Variants in PTER observed in about 807,000 individuals in gnomAD.
PTER encodes the protein N-acetyltaurine hydrolase.
PTER carries 38 observed loss-of-function variants against 29.6 expected under a neutral mutation model. That is an observed-to-expected ratio of 1.28 (90% CI 0.99 to 1.68). PTER has a LOEUF of 1.68. Ranked by LOEUF, PTER falls within the 40% of genes most tolerant of loss-of-function variation. The probability of loss-of-function intolerance (pLI) is 0.00; values close to 1 mark genes in which losing one functional copy is unlikely to be tolerated. For synonymous variants in PTER, 172 were observed against 154.5 expected, an observed-to-expected ratio of 1.11 and a Z score of -0.84; for missense variants, 482 against 427.8, an observed-to-expected ratio of 1.13 and a Z score of -1.12.
intron 1 of PTER, among the ~76,000 whole-genome samples, chr10:16,479,820 A>C (rs949706822): frequency 3.3e-5 from 5 of 151,710 alleles, no homozygotes; most frequent in Admixed American, 6.6e-5. Context: ...TGCAGGTACA[A>C]CGGGCCCCCT....
chr10:16,441,573 AG>A (rs1382291487), intron 1 of PTER, among the ~76,000 whole-genome samples: 3 of 152,200 alleles, frequency 2.0e-5, no homozygotes, highest in Non-Finnish European at 4.4e-5. Flanking sequence ...CTGCATTCTT[AG>A]GGGACACTGG....
At chr10:16,506,102 C>T (rs1384979631) in intron 4 of PTER, among the ~76,000 whole-genome samples, 1 of 151,914 alleles carries the variant, frequency 6.6e-6, no homozygotes, top group East Asian at 1.9e-4. Context: ...GCTTGAATGC[C>T]GGTAATAAGT....
chr10:16,510,955 G>A (rs1836786454), intron 4 of PTER, 91 bp from the exon 5 acceptor site: 2 of 1,060,442 alleles, frequency 1.9e-6, no homozygotes, highest in Non-Finnish European at 1.4e-6. Flanking sequence ...TTTACGACAA[G>A]CACAATAGGT....
At chr10:16,486,786 A>T in intron 3 of PTER, 169 bp downstream of exon 3, 2 of 754,544 alleles carry the variant, frequency 2.7e-6, no homozygotes, top group South Asian at 4.0e-5. Flanking sequence ...ATAAAAGTCA[A>T]TGCTGCCATT....
At chr10:16,447,428 C>T (rs987235417) in intron 1 of PTER, among the ~76,000 whole-genome samples, 29 of 152,018 alleles carry the variant, frequency 1.9e-4, no homozygotes, top group Admixed American at 2.6e-4. Flanking sequence ...GTGGAATTTT[C>T]GTAATGCATT....
Position 16,485,830 on chromosome 10 carries a change from A to G in PTER, c.433-522A>G, listed in dbSNP as rs545441090. 3.3e-5 allele frequency among the ~76,000 whole-genome samples: 5 copies of G among 152,268 alleles called. No homozygotes were observed. The East Asian group carries it at 9.7e-4, about 29-fold the overall frequency. On this transcript the variant is annotated intron_variant, in intron 2 of 4. Coordinates refer to ENST00000535784, the MANE Select transcript of PTER (RefSeq NM_001261836.2). Reference sequence around the variant, plus strand: ...TTCTTGATGCCTTGTGCGGTGATGCAAGCGTGTAGTCCTAGCTACATGGGA... The same window carrying G: ...TTCTTGATGCCTTGTGCGGTGATGCGAGCGTGTAGTCCTAGCTACATGGGA...
chr10:16,487,249 C>T (rs548048554), intron 3 of PTER, among the ~76,000 whole-genome samples: 6 of 152,316 alleles, frequency 3.9e-5, no homozygotes, highest in African/African-American at 1.2e-4. Flanking sequence ...TCTCAAAGTT[C>T]TGGAGGCCAG....
intron 1 of PTER, among the ~76,000 whole-genome samples, chr10:16,451,648 G>T (rs1306803636): frequency 6.6e-6 from 1 of 152,140 alleles, no homozygotes; most frequent in African/African-American, 2.4e-5. Context: ...GGAGGCAGAG[G>T]TTGCAGTGAG....
At chr10:16,493,086 T>C (rs530502805) in intron 3 of PTER, among the ~76,000 whole-genome samples, 9 of 152,354 alleles carry the variant, frequency 5.9e-5, no homozygotes, top group African/African-American at 1.9e-4. Context: ...GGCTGTAGCC[T>C]GAAGAACAAC....
chr10:16,468,483 TG>T (rs1175538774), intron 1 of PTER, among the ~76,000 whole-genome samples: 1 of 152,238 alleles, frequency 6.6e-6, no homozygotes, highest in Non-Finnish European at 1.5e-5. Flanking sequence ...CTTTAATTTT[TG>T]TTTTCTTACT....
chr10:16,511,398 C>T lies in PTER; in HGVS notation c.*142C>T, dbSNP rs1836808326. On this transcript the variant is annotated 3_prime_UTR_variant, in exon 5 of 5. Transcript: ENST00000535784. ...TCTGATGAGAACTAGGAGGGTTTGC[C>T]TTCTCTGAGACCAGCTATTACAACT... 6 of 751,210 alleles carry T rather than the reference C, an allele frequency of 8.0e-6. No individual in the cohort carries two copies. The highest frequency in any genetic ancestry group is 1.3e-5 in the Non-Finnish European group (6 of 455,996). The allele number at this position is 751,210 out of a possible 1,614,324, so 46.5% of individuals were successfully genotyped here.
At chr10:16,501,593 C>G (rs371782806) in intron 3 of PTER, among the ~76,000 whole-genome samples, 2 of 152,092 alleles carry the variant, frequency 1.3e-5, no homozygotes, top group African/African-American at 4.8e-5. Flanking sequence ...CCCATACTAC[C>G]CTTTGATGGT....
chr10:16,460,130 G>A (rs1016876818), intron 1 of PTER, among the ~76,000 whole-genome samples: 2 of 152,116 alleles, frequency 1.3e-5, no homozygotes, highest in Non-Finnish European at 2.9e-5. Flanking sequence ...TTTCTAATTA[G>A]GAAAAGGAAA....
Position 16,477,839 on chromosome 10 carries a change from T to C in PTER, c.-48-6498T>C, listed in dbSNP as rs570471129. On this transcript the variant is annotated intron_variant, in intron 1 of 4. Coordinates refer to ENST00000535784, the MANE Select transcript of PTER (RefSeq NM_001261836.2). ...TCTGTAGTTTGCCAGGACTTAAAAGTAATACAAATTTTAAGTGCTTTACTG... is the reference window on the plus strand; with the variant it reads ...TCTGTAGTTTGCCAGGACTTAAAAGCAATACAAATTTTAAGTGCTTTACTG... 3.8e-4 allele frequency among the ~76,000 whole-genome samples: 58 copies of C among 152,310 alleles called. 1 individual carries two copies. In the Middle Eastern group the frequency reaches 0.017, roughly 45 times the overall value.
intron 3 of PTER, among the ~76,000 whole-genome samples, chr10:16,496,493 GT>G (rs1227530440): frequency 1.3e-5 from 2 of 152,190 alleles, no homozygotes; most frequent in African/African-American, 4.8e-5. Flanking sequence ...TGCTAGGAAT[GT>G]TCTATTTCCC....
At chr10:16,463,299 C>G (rs1440722408) in intron 1 of PTER, among the ~76,000 whole-genome samples, 2 of 151,776 alleles carry the variant, frequency 1.3e-5, no homozygotes, top group Non-Finnish European at 2.9e-5. Context: ...TCCTGATAAA[C>G]CACTTAATTA....
At chr10:16,495,949 A>G (rs551837491) in intron 3 of PTER, among the ~76,000 whole-genome samples, 1 of 152,324 alleles carries the variant, frequency 6.6e-6, no homozygotes, top group African/African-American at 2.4e-5. Flanking sequence ...TAATGGTGCC[A>G]ACATCTAATC....
intron 1 of PTER, among the ~76,000 whole-genome samples, chr10:16,444,801 G>A (rs1356880667): frequency 6.6e-6 from 1 of 152,084 alleles, no homozygotes; most frequent in Non-Finnish European, 1.5e-5. Flanking sequence ...TGCTTCTGAC[G>A]AGCTTTTACA....
Position 16,484,443 on chromosome 10 carries a change from T to G in PTER, c.59T>G (p.Leu20Arg), listed in dbSNP as rs140313051. 1 of 1,613,008 alleles carries G rather than the reference T, an allele frequency of 6.2e-7. No homozygotes were observed. Among genetic ancestry groups the G allele is most frequent in the Non-Finnish European group, 8.5e-7 (1 of 1,179,788 alleles). Reference sequence around the variant, plus strand: ...TTGGGCCTTGTAGAGCCAAGCAAACTGGGCCGTACCCTGACCCATGAACAC... The same window carrying G: ...TTGGGCCTTGTAGAGCCAAGCAAACGGGGCCGTACCCTGACCCATGAACAC... ...TVLGLVEPSK[L>R]GRTLTHEHLA... The change falls in exon 2 of 5, where the codon CTG becomes CGG. Residue 20 changes from leucine (L) to arginine (R), a missense_variant. Transcript: ENST00000535784.
Sources: gnomAD v4.1 joint callset for allele counts (sites outside exome capture counted in the v4.1 genomes callset) on GRCh38, gnomAD v4.1.1 for gene constraint, MANE v1.5 for transcripts, NCBI Gene and HGNC (gene_info 2026-07-23, HGNC 2026-07-21) for gene names.